Variants in PCDHA3 observed in about 807,000 individuals in gnomAD.
PCDHA3 encodes the protein protocadherin alpha 3.
A neutral mutation model predicts 62.2 loss-of-function variants in PCDHA3; 41 were observed. That is an observed-to-expected ratio of 0.66 (90% confidence interval 0.51 to 0.86). PCDHA3 has a LOEUF of 0.86. PCDHA3 is among the 40% of genes least tolerant of loss of function. The pLI is 0.00. For synonymous variants in PCDHA3, 640 were observed against 555.4 expected, an observed-to-expected ratio of 1.15 and a Z score of -2.14; for missense variants, 1,304 against 1,241.2, an observed-to-expected ratio of 1.05 and a Z score of -0.76.
chr5:140,817,900 A>T (rs1254182775), intron 1 of PCDHA3, among the ~76,000 whole-genome samples: 2 of 152,198 alleles, frequency 1.3e-5, no homozygotes, highest in Non-Finnish European at 2.9e-5. Context: ...CACTTTTAAG[A>T]TGACATTCCA....
At chr5:140,828,752 G>C in intron 1 of PCDHA3, 1 of 1,614,226 alleles carries the variant, frequency 6.2e-7, no homozygotes, top group Admixed American at 1.7e-5. Context: ...GGGCAAACCT[G>C]AGCTCACAGG....
intron 1 of PCDHA3, chr5:140,927,348 C>T (rs2153588187): frequency 1.2e-6 from 2 of 1,613,982 alleles, no homozygotes; most frequent in South Asian, 1.1e-5. Flanking sequence ...AAGATGACGA[C>T]GAGGGAAGCA....
intron 1 of PCDHA3, chr5:140,852,251 G>A: frequency 1.9e-6 from 1 of 527,556 alleles, no homozygotes; most frequent in Non-Finnish European, 2.5e-6. Flanking sequence ...ACACACTTTT[G>A]GAATATGCTA....
chr5:140,900,653 T>C (rs1163740859), intron 1 of PCDHA3, among the ~76,000 whole-genome samples: 1 of 152,220 alleles, frequency 6.6e-6, no homozygotes, highest in Non-Finnish European at 1.5e-5. Flanking sequence ...ACTGCTGCAA[T>C]GAACAATGGG....
chr5:140,808,093 T>C, intron 1 of PCDHA3: 1 of 1,613,984 alleles, frequency 6.2e-7, no homozygotes, highest in Non-Finnish European at 8.5e-7. Flanking sequence ...CTGGACAAAT[T>C]ATTGTAAAGG....
intron 1 of PCDHA3, chr5:140,821,898 A>C (rs2150111763): frequency 6.2e-7 from 1 of 1,614,196 alleles, no homozygotes; most frequent in East Asian, 2.2e-5. Flanking sequence ...CCAAACACGG[A>C]ACCTTCGTTG....
intron 1 of PCDHA3, among the ~76,000 whole-genome samples, chr5:140,894,895 A>G (rs557164845): frequency 6.6e-6 from 1 of 152,316 alleles, no homozygotes; most frequent in South Asian, 2.1e-4. Context: ...AGACCAGGAT[A>G]ATTTTCCTAT....
intron 1 of PCDHA3, chr5:140,884,351 G>A: frequency 6.2e-7 from 1 of 1,613,946 alleles, no homozygotes; most frequent in Non-Finnish European, 8.5e-7. Context: ...GGCGCTGGTG[G>A]ATGTCAATGT....
At chr5:140,807,825 C>T (rs562041682) in intron 1 of PCDHA3, 2 of 1,614,184 alleles carry the variant, frequency 1.2e-6, no homozygotes, top group Middle Eastern at 1.6e-4. Context: ...TTAGTGCTCA[C>T]AGCCACTGAT....
At chr5:140,921,366 A>C (rs1415562044) in intron 1 of PCDHA3, among the ~76,000 whole-genome samples, 1 of 152,140 alleles carries the variant, frequency 6.6e-6, no homozygotes, top group African/African-American at 2.4e-5. Flanking sequence ...TTCAAGTTTC[A>C]TATTTCTACA....
At position 140,851,650 on chromosome 5, in the gene PCDHA3, G is replaced by C. The variant is rs1324719591; in HGVS notation, c.2394+48059G>C. The C allele has an allele frequency of 4.4e-6, 4 of 912,450 alleles. No homozygotes were observed. The African/African-American group carries it at 7.2e-5, about 16-fold the overall frequency. 56.5% of individuals were successfully genotyped at this position (912,450 alleles called of 1,614,324 possible). ...AACAAGTGTTTCCTTTCTTCAAGAA[G>C]ACATTCTCCTTTTAATTGAAATTTT... On this transcript the variant is annotated intron_variant, in intron 1 of 3. Transcript: ENST00000522353.
At position 141,011,465 on chromosome 5, in the gene PCDHA3, G is replaced by A. The variant is rs2098420693; in HGVS notation, c.*1528G>A. ...TGAACTTTAAGCTTTATTGTTGAAT[G>A]TAATTCCATTATATTTCCTTTTGTA... On this transcript the variant is annotated 3_prime_UTR_variant, in exon 4 of 4. Transcript: ENST00000522353. The A allele has an allele frequency of 6.5e-6, 1 of 153,770 alleles. No individual in the cohort carries two copies. The highest frequency in any genetic ancestry group is 2.4e-5 in the African/African-American group (1 of 41,452). The allele number at this position is 153,770 out of a possible 1,614,324, so 9.5% of individuals were successfully genotyped here.
chr5:140,906,545 T>C (rs1477554651), intron 1 of PCDHA3, among the ~76,000 whole-genome samples: 2 of 152,256 alleles, frequency 1.3e-5, no homozygotes, highest in Admixed American at 6.5e-5. Context: ...TCCTCATTTC[T>C]GCAACTGGTT....
chr5:140,856,328 C>A, intron 1 of PCDHA3: 1 of 1,598,592 alleles, frequency 6.3e-7, no homozygotes. Context: ...CCGCGAGGAG[C>A]TGTGCGGGCG....
chr5:140,808,230 CA>C, intron 1 of PCDHA3: 2 of 1,614,206 alleles, frequency 1.2e-6, no homozygotes, highest in Non-Finnish European at 1.7e-6. Context: ...GATAATGTCC[CA>C]GATTTGGAAT....
At position 140,928,140 on chromosome 5, in the gene PCDHA3, G is replaced by A. The variant is rs200493520; in HGVS notation, c.2395-50809G>A. On this transcript the variant is annotated intron_variant, in intron 1 of 3. Coordinates refer to ENST00000522353, the MANE Select transcript of PCDHA3 (RefSeq NM_018906.3). The stretch of plus-strand genomic sequence containing the variant: ...TCAGTGAATACCAAGTCCTGATCAC[G>A]GCCTCAGATAGTGGCTCACCCCCAC... The A allele has an allele frequency of 2.7e-5, 43 of 1,614,036 alleles. 1 individual carries two copies. The South Asian group carries it at 4.2e-4, about 16-fold the overall frequency.
chr5:140,897,677 G>T (rs1390475923), intron 1 of PCDHA3, among the ~76,000 whole-genome samples: 1 of 152,168 alleles, frequency 6.6e-6, no homozygotes, highest in African/African-American at 2.4e-5. Flanking sequence ...ATAGCAGCAT[G>T]ATTTATAGTC....
chr5:140,919,239 C>G (rs2079049864), intron 1 of PCDHA3, among the ~76,000 whole-genome samples: 1 of 152,188 alleles, frequency 6.6e-6, no homozygotes, highest in Non-Finnish European at 1.5e-5. Context: ...CACTTTTTGT[C>G]TTGTCTGTTT....
intron 1 of PCDHA3, chr5:140,849,795 T>C (rs2150450595): frequency 6.3e-7 from 1 of 1,598,164 alleles, no homozygotes; most frequent in Non-Finnish European, 8.6e-7. Flanking sequence ...GGGCTCGCCT[T>C]CACTGTGGGC....
Sources: gnomAD v4.1 joint callset for allele counts (sites outside exome capture counted in the v4.1 genomes callset) on GRCh38, gnomAD v4.1.1 for gene constraint, MANE v1.5 for transcripts, NCBI Gene and HGNC (gene_info 2026-07-23, HGNC 2026-07-21) for gene names.